Variants in SYNM observed in about 807,000 individuals in gnomAD.
The protein encoded by SYNM is synemin, also known as desmuslin.
A neutral mutation model predicts 104.0 loss-of-function variants in SYNM; 95 were observed. That is an observed-to-expected ratio of 0.91 (90% CI 0.77 to 1.08). The LOEUF (loss-of-function observed/expected upper bound fraction) is 1.08. Ranked by LOEUF, SYNM falls within the 50% of genes least tolerant of loss-of-function variation. The pLI, the probability that SYNM is intolerant of heterozygous loss-of-function variation, is 0.00. For synonymous variants in SYNM, 918 were observed against 869.0 expected (o/e 1.06, Z -0.99); for missense variants, 2,150 against 2,052.2 (o/e 1.05, Z -0.92).
Position 99,132,374 on chromosome 15 carries a change from C to T in SYNM, c.4014C>T (p.Asp1338=). The change falls in exon 4 of 4, where the codon GAC becomes GAT. Residue 1338 remains aspartate (D), a synonymous_variant. Coordinates refer to ENST00000336292, the MANE Select transcript of SYNM (RefSeq NM_145728.3). ...GLVPQLGESG[D]SESTVHGEGS... Reference sequence around the variant, plus strand: ...TTCCCCAACTGGGGGAATCTGGTGACTCAGAGAGCACTGTGCACGGAGAGG... The same window carrying T: ...TTCCCCAACTGGGGGAATCTGGTGATTCAGAGAGCACTGTGCACGGAGAGG... The T allele has an allele frequency of 6.2e-7, 1 of 1,613,996 alleles. No individual in the cohort carries two copies. Among genetic ancestry groups the T allele is most frequent in the Non-Finnish European group, 8.5e-7 (1 of 1,179,868 alleles).
chr15:99,139,251 G>C (rs1555488756), downstream of SYNM: 1 of 1,578,048 alleles, frequency 6.3e-7, no homozygotes, highest in Non-Finnish European at 8.6e-7. Flanking sequence ...TCTAGAACCA[G>C]CTTTCTCTTG....
rs1555486300 is a variant in SYNM at position 99,133,122 on chromosome 15, A to G, written c.*64A>G. The G allele has an allele frequency of 1.3e-6, 2 of 1,588,888 alleles. No individual in the cohort carries two copies. The highest frequency in any genetic ancestry group is 1.7e-6 in the Non-Finnish European group (2 of 1,174,004). ...GACGTGCCAACATCCAAAGGCCTTA[A>G]CTTATTTTAAGAGGCCGAGGGAGTC... is the stretch of plus-strand genomic sequence containing the variant. On this transcript the variant is annotated 3_prime_UTR_variant, in exon 4 of 4. Transcript: ENST00000336292.
At chr15:99,111,596 G>C (rs1318992422) in intron 1 of SYNM, among the ~76,000 whole-genome samples, 1 of 152,174 alleles carries the variant, frequency 6.6e-6, no homozygotes, top group African/African-American at 2.4e-5. Flanking sequence ...ATAAGCCAGT[G>C]ATTTTTAAGT....
At position 99,134,887 on chromosome 15, in the gene SYNM, G is replaced by A. The variant is rs1265985943; in HGVS notation, c.*1829G>A. 3.9e-5 allele frequency: 6 copies of A among 152,248 alleles called. No individual in the cohort carries two copies. The highest frequency in any genetic ancestry group is 1.4e-4 in the African/African-American group (6 of 41,456). The allele number at this position is 152,248 out of a possible 1,614,324, so 9.4% of individuals were successfully genotyped here. A position where few individuals can be genotyped will look rare whatever the true frequency, so the allele number is the denominator to read the frequency against. On this transcript the variant is annotated 3_prime_UTR_variant, in exon 4 of 4. Coordinates refer to ENST00000336292, the MANE Select transcript of SYNM (RefSeq NM_145728.3). ...TAGTGATTGTCAGACTGGTATGGAG[G>A]TGACTGCTTTGTAAGGTTTTGTCGT...
intron 2 of SYNM, among the ~76,000 whole-genome samples, chr15:99,122,123 T>G (rs60193397): frequency 0.05 from 7,683 of 152,292 alleles, 600 homozygotes; most frequent in African/African-American, 0.18. Context: ...TTTAAAAGGT[T>G]AGGTTAGAAA....
At chr15:99,113,785 T>G in intron 2 of SYNM, 70 bp downstream of exon 2, 1 of 1,580,378 alleles carries the variant, frequency 6.3e-7, no homozygotes, top group Non-Finnish European at 8.6e-7. Flanking sequence ...AGGAAACTGG[T>G]CTAGGGACCG....
intron 1 of SYNM, among the ~76,000 whole-genome samples, chr15:99,108,340 T>C (rs2067268993): frequency 6.6e-6 from 1 of 152,158 alleles, no homozygotes; most frequent in African/African-American, 2.4e-5. Flanking sequence ...CACTACCTTG[T>C]CCATATACTG....
rs535980196 is a variant in SYNM at position 99,133,085 on chromosome 15, C to G, written c.*27C>G. 2.0e-5 allele frequency: 32 copies of G among 1,606,812 alleles called. No individual in the cohort carries two copies. The African/African-American group carries it at 2.9e-4, about 15-fold the overall frequency. On this transcript the variant is annotated 3_prime_UTR_variant, in exon 4 of 4. Transcript: ENST00000336292. The stretch of plus-strand genomic sequence containing the variant: ...AAGCAGAAACATTTTGTTTTAATGG[C>G]AGCCTGTTGGCGACGTGCCAACATC...
At position 99,130,873 on chromosome 15, in the gene SYNM, A is replaced by T; in HGVS notation, c.2513A>T (p.His838Leu). The T allele has an allele frequency of 6.2e-7, 1 of 1,613,864 alleles. No individual in the cohort carries two copies. The change falls in exon 4 of 4, where the codon CAC becomes CTC. Residue 838 changes from histidine (H) to leucine (L), a missense_variant. By Grantham distance (99) the His-to-Leu change is moderately conservative. Transcript: ENST00000336292. Reference protein sequence around the residue: ...QSYFVSTPDEHPGGHDRDDGS... With the variant: ...QSYFVSTPDELPGGHDRDDGS... The stretch of plus-strand genomic sequence containing the variant: ...TATTTTGTGTCCACTCCAGATGAAC[A>T]CCCCGGGGGGCACGACAGAGATGAC...
At chr15:99,107,376 A>G (rs1432986492) in intron 1 of SYNM, among the ~76,000 whole-genome samples, 1 of 152,198 alleles carries the variant, frequency 6.6e-6, no homozygotes, top group Non-Finnish European at 1.5e-5. Flanking sequence ...TGTGGCATTC[A>G]TGGAGATTTG....
chr15:99,137,944 G>A (rs2067719220), downstream of SYNM: 3 of 1,586,078 alleles, frequency 1.9e-6, no homozygotes, highest in Non-Finnish European at 2.6e-6. Context: ...CTAGGCGGAG[G>A]TGATTTGTAC....
In SYNM at chr15:99,105,928, G is replaced by T. The variant is rs762712860; in HGVS notation, c.729G>T (p.Gly243=). Residue 243 remains glycine, a synonymous_variant, in exon 1 of 4, where the codon GGG becomes GGT. Coordinates refer to ENST00000336292, the MANE Select transcript of SYNM (RefSeq NM_145728.3). ...EAEALRREAL[G]LEQLRARLED... Reference sequence around the variant, plus strand: ...AGGCGCTGCGGCGCGAGGCGCTCGGGTTGGAGCAGCTGCGCGCGCGGCTGG... The same window carrying T: ...AGGCGCTGCGGCGCGAGGCGCTCGGTTTGGAGCAGCTGCGCGCGCGGCTGG... 1 of 1,530,104 alleles carries T rather than the reference G, an allele frequency of 6.5e-7. No individual in the cohort carries two copies. The highest frequency in any genetic ancestry group is 8.7e-7 in the Non-Finnish European group (1 of 1,143,730). 94.8% of individuals were successfully genotyped at this position (1,530,104 alleles called of 1,614,324 possible). A position where few individuals can be genotyped will look rare whatever the true frequency, so the allele number is the denominator to read the frequency against.
Position 99,105,467 on chromosome 15 carries a change from C to T in SYNM, c.268C>T (p.Arg90Cys), listed in dbSNP as rs1555482418. 1.4e-6 allele frequency: 2 copies of T among 1,394,852 alleles called. No individual in the cohort carries two copies. Among genetic ancestry groups the T allele is most frequent in the Non-Finnish European group, 1.9e-6 (2 of 1,078,220 alleles). 86.4% of individuals were successfully genotyped at this position (1,394,852 alleles called of 1,614,324 possible). ...GGAGGGCGAGCGGGACGCTCTGCGG[C>T]GCGAGCTGCGGGAGCTGCAGCGCCT... ...LAEGERDALRRELRELQRLDA... is the reference protein window; with the variant it reads ...LAEGERDALRCELRELQRLDA... The change falls in exon 1 of 4, where the codon CGC (arginine) becomes TGC (cysteine). Residue 90 changes from arginine (R) to cysteine (C), a missense_variant. Physicochemically the swap from Arg to Cys is radical, Grantham distance 180. Coordinates refer to ENST00000336292, the MANE Select transcript of SYNM (RefSeq NM_145728.3).
In SYNM at chr15:99,113,571, A is replaced by C. The variant is rs1366998946; in HGVS notation, c.811-20A>C. 32 of 1,612,360 alleles carry C rather than the reference A, an allele frequency of 2.0e-5. No homozygotes were observed. Among genetic ancestry groups the C allele is most frequent in the Non-Finnish European group, 2.6e-5 (31 of 1,179,160 alleles). On this transcript the variant is annotated intron_variant, in intron 1 of 3. Coordinates refer to ENST00000336292, the MANE Select transcript of SYNM (RefSeq NM_145728.3). The stretch of plus-strand genomic sequence containing the variant: ...TAAAGCTCCAGTTCTCTGATATAAA[A>C]GTCTGTCTATTCTCTTTAGAGAGTG...
Position 99,126,638 on chromosome 15 carries a change from G to A in SYNM, c.936-84G>A, listed in dbSNP as rs1205833471. On this transcript the variant is annotated intron_variant, in intron 2 of 3. Coordinates refer to ENST00000336292, the MANE Select transcript of SYNM (RefSeq NM_145728.3). ...AAAACAGGTGACACTATGGTCATTG[G>A]CCGCATACCACGATACGTTTTATTA... The A allele has an allele frequency of 2.3e-6, 3 of 1,305,374 alleles. No homozygotes were observed. In the African/African-American group the frequency reaches 4.4e-5, roughly 19 times the overall value. 80.9% of individuals were successfully genotyped at this position (1,305,374 alleles called of 1,614,324 possible).
chr15:99,119,790 TTTG>T (rs1178660303), intron 2 of SYNM, among the ~76,000 whole-genome samples: 3 of 152,228 alleles, frequency 2.0e-5, no homozygotes, highest in Non-Finnish European at 2.9e-5. Context: ...TTCCCAACAT[TTTG>T]TTATGAGAAT....
In SYNM at chr15:99,105,917, G is replaced by A. The variant is rs1224805532; in HGVS notation, c.718G>A (p.Glu240Lys). The change falls in exon 1 of 4, where the codon GAG becomes AAG. Residue 240 changes from glutamate (E) to lysine (K), a missense_variant. Coordinates refer to ENST00000336292, the MANE Select transcript of SYNM (RefSeq NM_145728.3). ...CAQEAEALRR[E>K]ALGLEQLRAR... ...GCAGGAGGCAGAGGCGCTGCGGCGCGAGGCGCTCGGGTTGGAGCAGCTGCG... is the reference window on the plus strand; with the variant it reads ...GCAGGAGGCAGAGGCGCTGCGGCGCAAGGCGCTCGGGTTGGAGCAGCTGCG... 6.5e-7 allele frequency: 1 copy of A among 1,531,500 alleles called. No individual in the cohort carries two copies. The highest frequency in any genetic ancestry group is 2.5e-5 in the East Asian group (1 of 40,384). The allele number at this position is 1,531,500 out of a possible 1,614,324, so 94.9% of individuals were successfully genotyped here.
intron 1 of SYNM, among the ~76,000 whole-genome samples, chr15:99,106,922 G>A (rs1443387376): frequency 6.6e-6 from 1 of 152,244 alleles, no homozygotes; most frequent in African/African-American, 2.4e-5. Flanking sequence ...ACAGTTTGCA[G>A]CTGTGAGTTA....
Position 99,131,835 on chromosome 15 carries a change from A to C in SYNM, c.3475A>C (p.Ser1159Arg). Residue 1159 changes from serine to arginine, a missense_variant, in exon 4 of 4, where the codon AGT becomes CGT. Physicochemically the swap from Ser to Arg is moderately radical, Grantham distance 110. Transcript: ENST00000336292. This position sits in a 1 kb window ranked among gnomAD's most constrained non-coding sequence, Gnocchi z 4.3. The part of the protein sequence containing the change: ...VVEVSAGGDL[S>R]QAASPTGASR... ...GGAGGTAAGTGCGGGAGGTGACCTA[A>C]GTCAGGCAGCGAGCCCGACCGGAGC... The C allele has an allele frequency of 1.2e-6, 2 of 1,613,856 alleles. No homozygotes were observed. The highest frequency in any genetic ancestry group is 8.5e-7 in the Non-Finnish European group (1 of 1,179,898).
Sources: allele counts gnomAD v4.1 joint callset (sites outside exome capture counted in the v4.1 genomes callset), GRCh38; gene constraint gnomAD v4.1.1; non-coding constraint Gnocchi (gnomAD v3.1); transcripts MANE v1.5; gene names NCBI Gene and HGNC (gene_info 2026-07-23, HGNC 2026-07-21).